PSMG4: variants seen among roughly 807,000 people sequenced by gnomAD.
The protein encoded by PSMG4 is proteasome (prosome, macropain) assembly chaperone 4.
In PSMG4, 10 loss-of-function variants were observed where a neutral mutation model predicts 11.0. The ratio of observed to expected loss-of-function variants is 0.91; its 90% CI spans 0.56 to 1.54. The LOEUF (loss-of-function observed/expected upper bound fraction) is 1.54. PSMG4 is among the 40% of genes most tolerant of loss of function. The pLI, the probability that PSMG4 is intolerant of heterozygous loss-of-function variation, is 0.00. For missense variants in PSMG4, 198 were observed against 160.9 expected, an observed-to-expected ratio of 1.23 and a Z score of -1.25; for synonymous variants, 95 against 71.3, an observed-to-expected ratio of 1.33 and a Z score of -1.68.
chr6:3,258,862 C>G (rs999365429), upstream of PSMG4: 4 of 639,068 alleles, frequency 6.3e-6, no homozygotes, highest in East Asian at 3.5e-5. Context: ...CCAACCCAAG[C>G]CCGGGATCGC....
chr6:3,255,154 G>A (rs1254598182), upstream of PSMG4: 1 of 1,550,962 alleles, frequency 6.4e-7, no homozygotes, highest in Non-Finnish European at 8.7e-7. Context: ...TGAGGAGCAG[G>A]GCCATACTGA....
At chr6:3,254,885 C>A (rs549222901), upstream of PSMG4, among the ~76,000 whole-genome samples, 1 of 151,566 alleles carries the variant, frequency 6.6e-6, no homozygotes. Flanking sequence ...AGGGTGACTC[C>A]GACCTTGTAA....
upstream of PSMG4, chr6:3,255,263 C>T (rs772007626): frequency 5.8e-6 from 9 of 1,546,086 alleles, no homozygotes; most frequent in African/African-American, 2.7e-5. Context: ...TCTGTGTTAC[C>T]ACGGCTGTCT....
intron 1 of PSMG4, among the ~76,000 whole-genome samples, chr6:3,260,291 A>ATATTTTTTTTTTTTTTTT: frequency 3.8e-4 from 27 of 70,856 alleles, no homozygotes; most frequent in African/African-American, 1.5e-3. Flanking sequence ...ATATATATAT[A>ATATTTTTTTTTTTTTTTT]TTTTTTTTTT....
At chr6:3,261,894 C>T (rs1049149259) in intron 1 of PSMG4, among the ~76,000 whole-genome samples, 4 of 152,208 alleles carry the variant, frequency 2.6e-5, no homozygotes, top group Non-Finnish European at 5.9e-5. Flanking sequence ...AAAGCCTGAA[C>T]TAGTTACTAT....
At chr6:3,255,123 C>G, upstream of PSMG4, 1 of 1,551,068 alleles carries the variant, frequency 6.4e-7, no homozygotes, top group South Asian at 1.2e-5. Flanking sequence ...CACCAGCTTA[C>G]CACGTATTGG....
At chr6:3,256,114 A>G (rs545503216), upstream of PSMG4, among the ~76,000 whole-genome samples, 2 of 152,206 alleles carry the variant, frequency 1.3e-5, no homozygotes, top group African/African-American at 2.4e-5. Context: ...GAAGGGTGGC[A>G]CAAATTTTCA....
At chr6:3,262,359 A>T (rs191208082) in intron 1 of PSMG4, among the ~76,000 whole-genome samples, 2 of 152,214 alleles carry the variant, frequency 1.3e-5, no homozygotes, top group East Asian at 3.8e-4. Flanking sequence ...TCTTTTTTCT[A>T]GAAGGTTTAA....
intron 1 of PSMG4, 80 bp downstream of exon 1, chr6:3,259,276 AG>A: frequency 8.5e-7 from 1 of 1,183,290 alleles, no homozygotes; most frequent in African/African-American, 1.6e-5. Context: ...GCAGCCCCCC[AG>A]GCTTCTCTTG....
At chr6:3,265,319 A>T (rs1378780364) in intron 2 of PSMG4, 1 of 152,234 alleles carries the variant, frequency 6.6e-6, no homozygotes, top group African/African-American at 2.4e-5. Context: ...GGTGTCCTGA[A>T]TCAGTATCTT....
At chr6:3,261,508 T>A (rs546285990) in intron 1 of PSMG4, among the ~76,000 whole-genome samples, 20 of 152,280 alleles carry the variant, frequency 1.3e-4, no homozygotes, top group Admixed American at 2.6e-4. Flanking sequence ...CCCGACCCCA[T>A]GGTGGTCACA....
intron 2 of PSMG4, chr6:3,266,528 G>GT (rs1758187906): frequency 2.6e-5 from 4 of 152,206 alleles, no homozygotes; most frequent in African/African-American, 9.7e-5. Context: ...AGGCCGCGCA[G>GT]TGGGGCAGGC....
At position 3,262,789 on chromosome 6, in the gene PSMG4, AGT is replaced by A. The variant is rs34354077; in HGVS notation, c.175-892_175-891del. Among the ~76,000 whole-genome samples, 5 of 38,976 alleles carry A rather than the reference AGT, an allele frequency of 1.3e-4. No individual in the cohort carries two copies. The East Asian group carries it at 2.0e-3, about 16-fold the overall frequency. 25.6% of individuals were successfully genotyped at this position (38,976 alleles called of 152,430 possible). ...AGCAATTTTGGCCATATTACCAATAAGTGTTTTTTTTTTCCCCCTTTGGAAGC... is the reference window on the plus strand; with the variant it reads ...AGCAATTTTGGCCATATTACCAATAAGTTTTTTTTTTCCCCCTTTGGAAGC... On this transcript the variant is annotated intron_variant, in intron 1 of 2. Transcript: ENST00000438998.
upstream of PSMG4, among the ~76,000 whole-genome samples, chr6:3,255,906 C>T (rs1447695313): frequency 6.6e-6 from 1 of 152,126 alleles, no homozygotes; most frequent in African/African-American, 2.4e-5. Context: ...ATAGAAAACA[C>T]ATTTGCTGCA....
At position 3,267,574 on chromosome 6, in the gene PSMG4, G is replaced by A. The variant is rs557782928; in HGVS notation, c.251-17G>A. On this transcript the variant is annotated splice_polypyrimidine_tract_variant and intron_variant, in intron 2 of 2. Transcript: ENST00000438998. Reference sequence around the variant, plus strand: ...GTATTTCAGGAGTGGCTGTATCAATGTGTTTTCTCTTTTTAGCCAGGAAGA... The same window carrying A: ...GTATTTCAGGAGTGGCTGTATCAATATGTTTTCTCTTTTTAGCCAGGAAGA... 13 of 1,550,654 alleles carry A rather than the reference G, an allele frequency of 8.4e-6. No individual in the cohort carries two copies. The highest frequency in any genetic ancestry group is 1.7e-4 in the Middle Eastern group (1 of 5,988).
chr6:3,255,544 A>G (rs911255824), upstream of PSMG4, among the ~76,000 whole-genome samples: 2 of 152,304 alleles, frequency 1.3e-5, no homozygotes, highest in South Asian at 2.1e-4. Flanking sequence ...ATAGACTCCA[A>G]CCTTGGGCTG....
At chr6:3,262,824 T>C (rs1393183905) in intron 1 of PSMG4, among the ~76,000 whole-genome samples, 1 of 149,150 alleles carries the variant, frequency 6.7e-6, no homozygotes, top group Non-Finnish European at 1.5e-5. Flanking sequence ...AGCTAGACCT[T>C]CTTACTTTAT....
In PSMG4 at chr6:3,259,062, C is replaced by G. The variant is rs201036341; in HGVS notation, c.40C>G (p.Leu14Val). 4.1e-3 allele frequency: 5,177 copies of G among 1,266,622 alleles called. 10 individuals carry two copies. Among genetic ancestry groups the G allele is most frequent in the Non-Finnish European group, 4.7e-3 (4,701 of 1,004,302 alleles). 78.5% of individuals were successfully genotyped at this position (1,266,622 alleles called of 1,614,324 possible). ...LVVAAGGDVS[L>V]HNFSARLWEQ... ...TGTCGCCGCCGGCGGGGACGTCTCC[C>G]TGCACAACTTCAGCGCGAGGCTGTG... Residue 14 changes from leucine (L) to valine (V), a missense_variant, in exon 1 of 3, where the codon CTG (leucine) becomes GTG (valine). Transcript: ENST00000438998.
At chr6:3,255,064 T>G (rs560826641), upstream of PSMG4, 2 of 1,550,952 alleles carry the variant, frequency 1.3e-6, no homozygotes, top group African/African-American at 1.4e-5. Context: ...CAAACACACT[T>G]GGAATATGCT....
Sources: allele counts gnomAD v4.1 joint callset (sites outside exome capture counted in the v4.1 genomes callset), GRCh38; gene constraint gnomAD v4.1.1; transcripts MANE v1.5; gene names NCBI Gene and HGNC (gene_info 2026-07-23, HGNC 2026-07-21).